Variants in RAB39A observed in about 807,000 individuals in gnomAD.
RAB39A encodes RAB39A, member RAS oncogene family, also known as ras-related protein Rab-39A.
Under a neutral mutation model 20.9 loss-of-function variants are expected in RAB39A, and 17 were observed. That is an observed-to-expected ratio of 0.81 (90% CI 0.56 to 1.22). The LOEUF (loss-of-function observed/expected upper bound fraction) is 1.22, where lower values mean the gene tolerates loss of function less well. Ranked by LOEUF, RAB39A falls within the 50% of genes most tolerant of loss-of-function variation. The pLI, the probability that RAB39A is intolerant of heterozygous loss-of-function variation, is 0.00. For missense variants in RAB39A, 234 were observed against 270.5 expected (o/e 0.87, Z 0.95); for synonymous variants, 99 against 103.4 (o/e 0.96, Z 0.26).
chr11:107,948,331 G>A (rs1476786388), intron 1 of RAB39A, among the ~76,000 whole-genome samples: 3 of 152,150 alleles, frequency 2.0e-5, no homozygotes, highest in Admixed American at 6.6e-5. Flanking sequence ...GGGACATTTA[G>A]TGTTCGTATC....
intron 1 of RAB39A, among the ~76,000 whole-genome samples, chr11:107,945,389 C>CT (rs142113086): frequency 0.031 from 4,577 of 148,354 alleles, 97 homozygotes; most frequent in Non-Finnish European, 0.05. Context: ...TCTATTTTAG[C>CT]TTTTTTTTCC....
chr11:107,957,633 C>T (rs887674079), intron 1 of RAB39A, among the ~76,000 whole-genome samples: 3 of 152,148 alleles, frequency 2.0e-5, no homozygotes, highest in Non-Finnish European at 4.4e-5. Context: ...AGCTTATAAC[C>T]CCGAACCCTC....
At chr11:107,937,104 A>T (rs4754277) in intron 1 of RAB39A, among the ~76,000 whole-genome samples, 1 of 152,064 alleles carries the variant, frequency 6.6e-6, no homozygotes, top group Non-Finnish European at 1.5e-5. Context: ...TTAAAAGTGT[A>T]TTGTAAGTAG....
At chr11:107,955,737 C>G (rs1193882117) in intron 1 of RAB39A, among the ~76,000 whole-genome samples, 1 of 152,086 alleles carries the variant, frequency 6.6e-6, no homozygotes, top group Admixed American at 6.5e-5. Flanking sequence ...ACTCAGGAGG[C>G]TGAGGCAGGA....
At position 107,928,451 on chromosome 11, in the gene RAB39A, C is replaced by G; in HGVS notation, c.-118C>G. The G allele has an allele frequency of 1.4e-6, 1 of 713,896 alleles. No homozygotes were observed. Among genetic ancestry groups the G allele is most frequent in the Non-Finnish European group, 2.0e-6 (1 of 502,342 alleles). The allele number at this position is 713,896 out of a possible 1,614,324, so 44.2% of individuals were successfully genotyped here. A position where few individuals can be genotyped will look rare whatever the true frequency, so the allele number is the denominator to read the frequency against. On this transcript the variant is annotated 5_prime_UTR_variant, in exon 1 of 2. Transcript: ENST00000320578. This position sits in a 1 kb window ranked among gnomAD's most constrained non-coding sequence, Gnocchi z 4.9. ...GCGGGCACCAGGCGGCGGCCGCAGCCGCAGGAATATGCTGGAAGGCGGCGG... is the reference window on the plus strand; with the variant it reads ...GCGGGCACCAGGCGGCGGCCGCAGCGGCAGGAATATGCTGGAAGGCGGCGG...
At chr11:107,953,581 C>T (rs759112871) in intron 1 of RAB39A, among the ~76,000 whole-genome samples, 15 of 152,274 alleles carry the variant, frequency 9.9e-5, no homozygotes, top group Admixed American at 4.6e-4. Flanking sequence ...AGAAGCATCA[C>T]GGGGTTTTCT....
chr11:107,959,610 C>G (rs1483008292), intron 1 of RAB39A, among the ~76,000 whole-genome samples: 3 of 152,148 alleles, frequency 2.0e-5, no homozygotes, highest in African/African-American at 7.2e-5. Flanking sequence ...GGGAATCTCT[C>G]TACTAGGAAT....
intron 1 of RAB39A, among the ~76,000 whole-genome samples, chr11:107,952,630 C>T (rs1237568431): frequency 6.6e-6 from 1 of 152,010 alleles, no homozygotes; most frequent in Non-Finnish European, 1.5e-5. Context: ...ACCTGTAATC[C>T]CAGCACTTTG....
At chr11:107,955,976 T>G (rs1861431363) in intron 1 of RAB39A, among the ~76,000 whole-genome samples, 1 of 152,100 alleles carries the variant, frequency 6.6e-6, no homozygotes, top group Non-Finnish European at 1.5e-5. Context: ...ATTAAAGGAC[T>G]CCCTTCCCCC....
intron 1 of RAB39A, among the ~76,000 whole-genome samples, chr11:107,946,102 T>G (rs1207354450): frequency 6.6e-6 from 1 of 151,714 alleles, no homozygotes; most frequent in Non-Finnish European, 1.5e-5. Context: ...GCATTTAGTC[T>G]TCATGAAAGA....
At chr11:107,947,251 G>A (rs10789643) in intron 1 of RAB39A, among the ~76,000 whole-genome samples, 2 of 151,540 alleles carry the variant, frequency 1.3e-5, no homozygotes, top group South Asian at 2.1e-4. Flanking sequence ...ACAGGCGTCC[G>A]CCACCACGCC....
intron 1 of RAB39A, among the ~76,000 whole-genome samples, chr11:107,945,770 A>G (rs1861301484): frequency 6.6e-6 from 1 of 152,126 alleles, no homozygotes. Flanking sequence ...CGCCAACCAC[A>G]TTGGCAAAAA....
chr11:107,939,263 A>AG (rs935245870), intron 1 of RAB39A, among the ~76,000 whole-genome samples: 3 of 130,990 alleles, frequency 2.3e-5, no homozygotes, highest in Non-Finnish European at 4.8e-5. Context: ...AAAAAAAAAA[A>AG]GAGAGAGAGA....
chr11:107,941,926 C>G (rs999928822), intron 1 of RAB39A, among the ~76,000 whole-genome samples: 7 of 151,872 alleles, frequency 4.6e-5, no homozygotes, highest in Non-Finnish European at 7.4e-5. Context: ...TGGTGAAACC[C>G]TGTCTCTACT....
chr11:107,931,133 C>T (rs1861133021), intron 1 of RAB39A, among the ~76,000 whole-genome samples: 3 of 151,906 alleles, frequency 2.0e-5, no homozygotes, highest in Admixed American at 2.0e-4. Flanking sequence ...TGCACCACTA[C>T]ACCTGGCTAA....
intron 1 of RAB39A, among the ~76,000 whole-genome samples, chr11:107,936,315 C>T (rs1308714133): frequency 6.6e-6 from 1 of 152,064 alleles, no homozygotes; most frequent in Non-Finnish European, 1.5e-5. Context: ...TCTATCCATA[C>T]TGATGTTTAC....
chr11:107,941,068 A>G (rs1260238275), intron 1 of RAB39A, among the ~76,000 whole-genome samples: 1 of 152,198 alleles, frequency 6.6e-6, no homozygotes, highest in Admixed American at 6.6e-5. Context: ...CATTATGAAG[A>G]AAGATTATAC....
intron 1 of RAB39A, among the ~76,000 whole-genome samples, chr11:107,949,022 G>A (rs1565465112): frequency 6.6e-6 from 1 of 152,104 alleles, no homozygotes; most frequent in Non-Finnish European, 1.5e-5. Flanking sequence ...TCAATAGGAA[G>A]AACATTAAAG....
chr11:107,955,267 G>A (rs1861422204), intron 1 of RAB39A, among the ~76,000 whole-genome samples: 1 of 151,998 alleles, frequency 6.6e-6, no homozygotes, highest in African/African-American at 2.4e-5. Flanking sequence ...AAAGTGCTGG[G>A]ATTACAGGCA....
Sources: allele counts gnomAD v4.1 joint callset (sites outside exome capture counted in the v4.1 genomes callset), GRCh38; gene constraint gnomAD v4.1.1; non-coding constraint Gnocchi (gnomAD v3.1); transcripts MANE v1.5; gene names NCBI Gene and HGNC (gene_info 2026-07-23, HGNC 2026-07-21).